The following INSC variants were observed in gnomAD, a reference collection of about 807,000 sequenced individuals.
The protein encoded by INSC is INSC spindle orientation adaptor protein, also known as protein inscuteable homolog.
In INSC, 67 loss-of-function variants were observed where a neutral mutation model predicts 58.6. That is an observed-to-expected ratio of 1.14 (90% CI 0.94 to 1.40). The LOEUF is 1.40. Ranked by LOEUF, INSC falls within the 40% of genes most tolerant of loss-of-function variation. The probability of loss-of-function intolerance (pLI) is 0.00; values close to 1 mark genes in which losing one functional copy is unlikely to be tolerated. For missense variants in INSC, 714 were observed against 692.0 expected, an observed-to-expected ratio of 1.03 and a Z score of -0.36; for synonymous variants, 262 against 276.1, an observed-to-expected ratio of 0.95 and a Z score of 0.51.
At chr11:15,132,373 C>G (rs1848144945) in intron 1 of INSC, among the ~76,000 whole-genome samples, 1 of 152,150 alleles carries the variant, frequency 6.6e-6, no homozygotes, top group African/African-American at 2.4e-5. Context: ...GCAGCCTCAA[C>G]CTCCTGGGCT....
At chr11:15,149,881 C>T (rs751785854) in intron 2 of INSC, among the ~76,000 whole-genome samples, 4 of 152,076 alleles carry the variant, frequency 2.6e-5, no homozygotes, top group Non-Finnish European at 2.9e-5. Flanking sequence ...CTTAAGGTCA[C>T]AAGAAATTAA....
intron 1 of INSC, among the ~76,000 whole-genome samples, chr11:15,120,782 C>A (rs1196985106): frequency 6.6e-6 from 1 of 152,110 alleles, no homozygotes; most frequent in Non-Finnish European, 1.5e-5. Context: ...TATGGGCTCA[C>A]TTATTCATTC....
the INSC span, among the ~76,000 whole-genome samples, chr11:15,257,243 C>T: frequency 2.0e-5 from 3 of 152,072 alleles, no homozygotes; most frequent in African/African-American, 7.2e-5. Context: ...GATTGGAAGA[C>T]ATTTTGAACC....
intron 9 of INSC, among the ~76,000 whole-genome samples, chr11:15,233,175 G>C (rs1264872143): frequency 6.6e-6 from 1 of 152,178 alleles, no homozygotes; most frequent in African/African-American, 2.4e-5. Flanking sequence ...CCTTTCTCAA[G>C]GTGATGTCCT....
At chr11:15,252,900 A>G in the INSC span, among the ~76,000 whole-genome samples, 2 of 152,148 alleles carry the variant, frequency 1.3e-5, no homozygotes, top group Non-Finnish European at 2.9e-5. Flanking sequence ...ACTCAATTTC[A>G]GGAAGTCTAA....
chr11:15,248,294 A>G (rs146342916), downstream of INSC, among the ~76,000 whole-genome samples: 1 of 152,352 alleles, frequency 6.6e-6, no homozygotes, highest in Non-Finnish European at 1.5e-5. Context: ...TGAAGAATAC[A>G]ATAACTGTAA....
chr11:15,189,352 T>C (rs1850081149), intron 5 of INSC, among the ~76,000 whole-genome samples: 1 of 151,834 alleles, frequency 6.6e-6, no homozygotes, highest in Non-Finnish European at 1.5e-5. Context: ...TAGAAATTGT[T>C]ATTTACACCA....
intron 1 of INSC, among the ~76,000 whole-genome samples, chr11:15,127,578 A>C (rs1297606065): frequency 1.3e-5 from 2 of 152,222 alleles, no homozygotes; most frequent in Admixed American, 6.5e-5. Context: ...GGGCTTCCAC[A>C]TGGAGAGTAG....
intron 5 of INSC, among the ~76,000 whole-genome samples, chr11:15,186,232 G>T (rs1424037077): frequency 1.6e-5 from 2 of 128,704 alleles, no homozygotes; most frequent in Non-Finnish European, 3.2e-5. Context: ...GTTTTTAATA[G>T]GATTTCTTTC....
At chr11:15,133,932 A>G (rs1848182069) in intron 1 of INSC, among the ~76,000 whole-genome samples, 1 of 152,214 alleles carries the variant, frequency 6.6e-6, no homozygotes, top group Admixed American at 6.5e-5. Context: ...ACAATCTTGT[A>G]TGAGTTTACT....
intron 2 of INSC, among the ~76,000 whole-genome samples, chr11:15,164,723 G>A (rs2133794337): frequency 6.6e-6 from 1 of 152,144 alleles, no homozygotes; most frequent in Non-Finnish European, 1.5e-5. Flanking sequence ...AAGATAATAT[G>A]ATATGGTTTG....
At chr11:15,248,641 T>C (rs1370372434), downstream of INSC, among the ~76,000 whole-genome samples, 2 of 152,176 alleles carry the variant, frequency 1.3e-5, no homozygotes, top group Non-Finnish European at 2.9e-5. Flanking sequence ...GTTCTGCCCA[T>C]TCCTCAATAT....
intron 1 of INSC, among the ~76,000 whole-genome samples, chr11:15,117,627 T>C (rs975972744): frequency 1.3e-5 from 2 of 152,202 alleles, no homozygotes; most frequent in Non-Finnish European, 2.9e-5. Context: ...ACTGTAAACT[T>C]CCACATCCTT....
At chr11:15,132,281 A>G (rs1406780353) in intron 1 of INSC, among the ~76,000 whole-genome samples, 1 of 151,998 alleles carries the variant, frequency 6.6e-6, no homozygotes, top group Non-Finnish European at 1.5e-5. Flanking sequence ...AGGGATTATA[A>G]TTGTTTCTTT....
chr11:15,245,410 G>C (rs776267042), intron 12 of INSC, among the ~76,000 whole-genome samples: 1 of 152,184 alleles, frequency 6.6e-6, no homozygotes, highest in African/African-American at 2.4e-5. Flanking sequence ...TGCTCATTGT[G>C]TGGGGAGCTG....
rs200762851 is a variant in INSC at position 15,176,027 on chromosome 11, C to A, written c.343C>A (p.Arg115Ser). Residue 115 changes from arginine to serine, a missense_variant, in exon 3 of 13, where the codon CGC becomes AGC. By Grantham distance (110) the Arg-to-Ser change is moderately radical. Transcript: ENST00000379556. ...SMSVRLTCHA[R>S]SMVSEYSAVS... is the part of the protein sequence containing the mutation. ...GAGCGTGCGTCTGACCTGCCATGCCCGCTCCATGGTCAGCGAGTACAGTGC... is the reference window on the plus strand; with the variant it reads ...GAGCGTGCGTCTGACCTGCCATGCCAGCTCCATGGTCAGCGAGTACAGTGC... 42 of 1,582,756 alleles carry A rather than the reference C, an allele frequency of 2.7e-5. No individual in the cohort carries two copies. In the African/African-American group the frequency reaches 3.8e-4, roughly 14 times the overall value.
At position 15,234,004 on chromosome 11, in the gene INSC, C is replaced by T. The variant is rs78528148; in HGVS notation, c.1171-1598C>T. On this transcript the variant is annotated intron_variant, in intron 9 of 12. Coordinates refer to ENST00000379556, the MANE Select transcript of INSC (RefSeq NM_001042536.3). The stretch of plus-strand genomic sequence containing the variant: ...TAACTCCTTCCACTGAGCCCACAAA[C>T]GCAATCTTAAAAAGTGCAAAAACAA... Among the ~76,000 whole-genome samples, 984 of 152,298 alleles carry T rather than the reference C, an allele frequency of 6.5e-3. 19 individuals are homozygous for T. The highest frequency in any genetic ancestry group is 0.042 in the East Asian group (216 of 5,184).
intron 2 of INSC, among the ~76,000 whole-genome samples, chr11:15,152,280 A>T (rs1848678410): frequency 6.6e-6 from 1 of 152,208 alleles, no homozygotes; most frequent in Admixed American, 6.5e-5. Flanking sequence ...CTGATCTTGT[A>T]GGAAGATTTG....
chr11:15,140,624 G>A lies in INSC; in HGVS notation c.-45-8506G>A, dbSNP rs1848348268. On this transcript the variant is annotated intron_variant, in intron 1 of 12. Coordinates refer to ENST00000379556, the MANE Select transcript of INSC (RefSeq NM_001042536.3). Reference sequence around the variant, plus strand: ...CTTTTAGAGGTAGGGTCTTGCTCAGGCTGAAGTGCAGTGGCATAATCATAG... The same window carrying A: ...CTTTTAGAGGTAGGGTCTTGCTCAGACTGAAGTGCAGTGGCATAATCATAG... Among the ~76,000 whole-genome samples, 3 of 150,898 alleles carry A rather than the reference G, an allele frequency of 2.0e-5. No individual in the cohort carries two copies. In the South Asian group the frequency reaches 6.3e-4, roughly 32 times the overall value.
Sources: gnomAD v4.1 joint callset for allele counts (sites outside exome capture counted in the v4.1 genomes callset) on GRCh38, gnomAD v4.1.1 for gene constraint, MANE v1.5 for transcripts, NCBI Gene and HGNC (gene_info 2026-07-23, HGNC 2026-07-21) for gene names.